The following CAP2 variants were observed in gnomAD, a reference collection of about 807,000 sequenced individuals.
The protein encoded by CAP2 is cyclase associated actin cytoskeleton regulatory protein 2.
CAP2 carries 24 observed loss-of-function variants against 57.7 expected under a neutral mutation model. That is an observed-to-expected ratio of 0.42 (90% confidence interval 0.30 to 0.58). The LOEUF (loss-of-function observed/expected upper bound fraction) is 0.58, where lower values mean the gene tolerates loss of function less well. Among genes scored for constraint, CAP2 ranks in the 20% least tolerant of loss-of-function variants. The probability of loss-of-function intolerance (pLI) is 0.22; values close to 1 mark genes in which losing one functional copy is unlikely to be tolerated. For synonymous variants in CAP2, 194 were observed against 207.2 expected (o/e 0.94, Z 0.55); for missense variants, 501 against 590.3 (o/e 0.85, Z 1.57).
At position 17,507,728 on chromosome 6, in the gene CAP2, T is replaced by TA. The variant is rs774665618; in HGVS notation, c.530+3dup. ...GGTCTTAAAGGACTACAAACACAGG[T>TA]ACGTACCTTCCTTTACTCACCAAAT... On this transcript the variant is annotated splice_region_variant and intron_variant, in intron 6 of 12. Transcript: ENST00000229922. 6.4e-7 allele frequency: 1 copy of TA among 1,554,860 alleles called. No homozygotes were observed. Among genetic ancestry groups the TA allele is most frequent in the South Asian group, 1.1e-5 (1 of 89,460 alleles).
At chr6:17,516,605 A>G (rs750710714) in intron 7 of CAP2, among the ~76,000 whole-genome samples, 1 of 152,248 alleles carries the variant, frequency 6.6e-6, no homozygotes, top group Non-Finnish European at 1.5e-5. Flanking sequence ...CCAAAAACAT[A>G]TGGAAATCAA....
chr6:17,546,484 T>A (rs1393309616), intron 11 of CAP2, among the ~76,000 whole-genome samples: 1 of 152,234 alleles, frequency 6.6e-6, no homozygotes, highest in Non-Finnish European at 1.5e-5. Context: ...TTTTCTCCCG[T>A]TCTGTAGGTT....
At position 17,436,086 on chromosome 6, in the gene CAP2, T is replaced by TTCCTTCCTTCCTTCC. The variant is rs1759876688; in HGVS notation, c.222+9397_222+9398insCCTTCCTTCCTTCCT. On this transcript the variant is annotated intron_variant, in intron 3 of 12. Coordinates refer to ENST00000229922, the MANE Select transcript of CAP2 (RefSeq NM_006366.3). ...TAAGGAATCTTTCTTTCTTTCTTTC[T>TTCCTTCCTTCCTTCC]TTCCTTCCTTCCTTCCTTCCTTCCT... is the stretch of plus-strand genomic sequence containing the variant. Among the ~76,000 whole-genome samples, 315 of 133,988 alleles carry TTCCTTCCTTCCTTCC rather than the reference T, an allele frequency of 2.4e-3. 1 individual carries two copies. The highest frequency in any genetic ancestry group is 0.011 in the Middle Eastern group (3 of 270). 87.9% of individuals were successfully genotyped at this position (133,988 alleles called of 152,430 possible). A position where few individuals can be genotyped will look rare whatever the true frequency, so the allele number is the denominator to read the frequency against.
At chr6:17,477,524 G>A (rs900175327) in intron 4 of CAP2, among the ~76,000 whole-genome samples, 3 of 152,162 alleles carry the variant, frequency 2.0e-5, no homozygotes, top group African/African-American at 7.2e-5. Flanking sequence ...CTTATTAAAT[G>A]AGTCTCTGAA....
At chr6:17,416,479 G>C (rs185399769) in intron 1 of CAP2, among the ~76,000 whole-genome samples, 17 of 152,244 alleles carry the variant, frequency 1.1e-4, no homozygotes, top group Non-Finnish European at 1.8e-4. Flanking sequence ...ACTGGATATC[G>C]ATCACAGAAA....
Position 17,453,901 on chromosome 6 carries a change from C to CT in CAP2, c.223-9077dup, listed in dbSNP as rs11339880. Among the ~76,000 whole-genome samples, 353 of 114,902 alleles carry CT rather than the reference C, an allele frequency of 3.1e-3. 2 individuals carry two copies. The highest frequency in any genetic ancestry group is 4.5e-3 in the Non-Finnish European group (271 of 59,738). 75.4% of individuals were successfully genotyped at this position (114,902 alleles called of 152,430 possible). On this transcript the variant is annotated intron_variant, in intron 3 of 12. Coordinates refer to ENST00000229922, the MANE Select transcript of CAP2 (RefSeq NM_006366.3). Reference sequence around the variant, plus strand: ...TCCCAGGGCTCTTTCTCTTTTTATTCTTTTTTTTTTTTTTTTTTCCTTGCC... The same window carrying CT: ...TCCCAGGGCTCTTTCTCTTTTTATTCTTTTTTTTTTTTTTTTTTTCCTTGCC...
At chr6:17,527,857 C>G (rs1462197218) in intron 7 of CAP2, among the ~76,000 whole-genome samples, 1 of 152,180 alleles carries the variant, frequency 6.6e-6, no homozygotes, top group African/African-American at 2.4e-5. Flanking sequence ...CCTGCCTTGG[C>G]CTCCCAAAGT....
intron 7 of CAP2, among the ~76,000 whole-genome samples, chr6:17,534,382 T>TGCAG (rs1376777772): frequency 6.6e-6 from 1 of 152,228 alleles, no homozygotes; most frequent in East Asian, 1.9e-4. Flanking sequence ...GAATGCAGTC[T>TGCAG]GCAGGCTATG....
chr6:17,422,685 T>C (rs555228493), intron 2 of CAP2, among the ~76,000 whole-genome samples: 26 of 152,172 alleles, frequency 1.7e-4, no homozygotes, highest in Non-Finnish European at 1.3e-4. Context: ...CCTAATACCA[T>C]ACTGTAAAAC....
chr6:17,514,313 A>C (rs538928712), intron 7 of CAP2, among the ~76,000 whole-genome samples: 1 of 152,304 alleles, frequency 6.6e-6, no homozygotes, highest in Admixed American at 6.5e-5. Context: ...CAGTGAGCCG[A>C]GATTGCACCA....
intron 7 of CAP2, among the ~76,000 whole-genome samples, chr6:17,526,632 A>G (rs935501695): frequency 6.6e-6 from 1 of 152,160 alleles, no homozygotes; most frequent in Non-Finnish European, 1.5e-5. Context: ...GGTGCAGATT[A>G]TCTTCTAAAG....
chr6:17,536,985 C>T (rs552083035), intron 7 of CAP2, among the ~76,000 whole-genome samples: 1 of 152,098 alleles, frequency 6.6e-6, no homozygotes, highest in South Asian at 2.1e-4. Context: ...TTCTACTTGA[C>T]CTAAGAAACC....
At chr6:17,461,857 G>C (rs932056868) in intron 3 of CAP2, among the ~76,000 whole-genome samples, 4 of 151,016 alleles carry the variant, frequency 2.6e-5, no homozygotes, top group Non-Finnish European at 4.4e-5. Context: ...GCCAGGCGTG[G>C]TGGCGGGCGC....
chr6:17,398,355 T>G (rs1333446673), intron 1 of CAP2, among the ~76,000 whole-genome samples: 1 of 152,168 alleles, frequency 6.6e-6, no homozygotes, highest in Non-Finnish European at 1.5e-5. Context: ...CAATGAGCCT[T>G]GGGCAGATCT....
intron 3 of CAP2, among the ~76,000 whole-genome samples, chr6:17,450,328 G>A (rs1007478514): frequency 5.3e-5 from 8 of 152,206 alleles, no homozygotes; most frequent in African/African-American, 1.9e-4. Context: ...GGAAATACAG[G>A]CGTGAGCCAC....
intron 3 of CAP2, among the ~76,000 whole-genome samples, chr6:17,440,220 A>T (rs1002993328): frequency 6.6e-6 from 1 of 151,622 alleles, no homozygotes; most frequent in Admixed American, 6.6e-5. Context: ...GTTTTTCTGC[A>T]GAGTTTTGGC....
intron 2 of CAP2, among the ~76,000 whole-genome samples, chr6:17,424,583 A>T (rs947642421): frequency 6.6e-6 from 1 of 152,178 alleles, no homozygotes; most frequent in African/African-American, 2.4e-5. Flanking sequence ...GCGTTTTTAT[A>T]ATGCGACAAA....
chr6:17,544,312 G>T (rs777720015), intron 11 of CAP2, among the ~76,000 whole-genome samples: 1 of 151,964 alleles, frequency 6.6e-6, no homozygotes, highest in Non-Finnish European at 1.5e-5. Flanking sequence ...ATTCCAAAGA[G>T]AACTTTTTTC....
Position 17,402,389 on chromosome 6 carries a change from T to G in CAP2, c.-2+8643T>G, listed in dbSNP as rs532610852. 5.9e-5 allele frequency among the ~76,000 whole-genome samples: 9 copies of G among 152,298 alleles called. No individual in the cohort carries two copies. The South Asian group carries it at 1.7e-3, about 28-fold the overall frequency. ...AGGGGGAAATTTCTGAGTATAAATT[T>G]CGTTTCAGGGGTGAGAAAGCAAATG... On this transcript the variant is annotated intron_variant, in intron 1 of 12. Coordinates refer to ENST00000229922, the MANE Select transcript of CAP2 (RefSeq NM_006366.3).
Sources: allele counts gnomAD v4.1 joint callset (sites outside exome capture counted in the v4.1 genomes callset), GRCh38; gene constraint gnomAD v4.1.1; transcripts MANE v1.5; gene names NCBI Gene and HGNC (gene_info 2026-07-23, HGNC 2026-07-21).